The following OSBPL8 variants were observed in gnomAD, a reference collection of about 807,000 sequenced individuals.
OSBPL8 encodes oxysterol binding protein like 8, also known as oxysterol-binding protein-related protein 8.
OSBPL8 carries 59 observed loss-of-function variants against 125.5 expected under a neutral mutation model. The ratio of observed to expected loss-of-function variants is 0.47; its 90% CI spans 0.38 to 0.58. The LOEUF is 0.58. Among genes scored for constraint, OSBPL8 ranks in the 20% least tolerant of loss-of-function variants. The probability of loss-of-function intolerance (pLI) is 0.00; values close to 1 mark genes in which losing one functional copy is unlikely to be tolerated. For missense variants in OSBPL8, 758 were observed against 1,047.8 expected, an observed-to-expected ratio of 0.72 and a Z score of 3.82; for synonymous variants, 330 against 338.9, an observed-to-expected ratio of 0.97 and a Z score of 0.29.
intron 21 of OSBPL8, 31 bp downstream of exon 21, chr12:76,369,183 T>A: frequency 6.3e-7 from 1 of 1,587,906 alleles, no homozygotes; most frequent in Non-Finnish European, 8.5e-7. Context: ...CAGATTTATA[T>A]ACCTAGTGTA....
intron 4 of OSBPL8, among the ~76,000 whole-genome samples, chr12:76,422,136 A>G (rs569509205): frequency 6.6e-6 from 1 of 152,232 alleles, no homozygotes; most frequent in East Asian, 1.9e-4. Context: ...ACAAATATCA[A>G]TATTAATATC....
rs182198103 is a variant in OSBPL8 at position 76,427,298 on chromosome 12, A to C, written c.218-16664T>G. On this transcript the variant is annotated intron_variant, in intron 4 of 23. Coordinates refer to ENST00000261183, the MANE Select transcript of OSBPL8 (RefSeq NM_020841.5). ...ATTCTCTACAACCTACCTTGCCTAT[A>C]CATCATAGACTTATGAGGATGAAAT... Among the ~76,000 whole-genome samples the C allele has an allele frequency of 4.6e-3, 695 of 152,176 alleles. 22 individuals are homozygous for C. Among genetic ancestry groups the C allele is most frequent in the Admixed American group, 0.043 (661 of 15,270 alleles).
intron 1 of OSBPL8, among the ~76,000 whole-genome samples, chr12:76,504,723 A>G (rs1230026246): frequency 6.6e-6 from 1 of 152,208 alleles, no homozygotes; most frequent in Non-Finnish European, 1.5e-5. Flanking sequence ...TGCCTTTGTA[A>G]AACTAATGAA....
chr12:76,403,428 T>C (rs538895159), intron 5 of OSBPL8, among the ~76,000 whole-genome samples: 1 of 152,280 alleles, frequency 6.6e-6, no homozygotes, highest in African/African-American at 2.4e-5. Context: ...TTGTTTAATC[T>C]CCATTTTACA....
intron 4 of OSBPL8, among the ~76,000 whole-genome samples, chr12:76,415,599 G>A (rs993652219): frequency 2.6e-5 from 4 of 151,948 alleles, no homozygotes; most frequent in Non-Finnish European, 4.4e-5. Flanking sequence ...CAGATATTCC[G>A]TTTCTTTTAA....
chr12:76,381,071 TTCA>T (rs946583764), intron 15 of OSBPL8, among the ~76,000 whole-genome samples: 15 of 152,300 alleles, frequency 9.8e-5, no homozygotes, highest in East Asian at 7.7e-4. Flanking sequence ...TAAAATCCAT[TTCA>T]TCATATTATT....
chr12:76,361,593 C>T (rs1952209182), intron 21 of OSBPL8, among the ~76,000 whole-genome samples: 1 of 152,120 alleles, frequency 6.6e-6, no homozygotes, highest in African/African-American at 2.4e-5. Flanking sequence ...TAAAGACATA[C>T]CCGAGATGGG....
At chr12:76,486,148 C>T in intron 2 of OSBPL8, 1 of 347,728 alleles carries the variant, frequency 2.9e-6, no homozygotes, top group Non-Finnish European at 5.7e-6. Flanking sequence ...TTTTTTTGAT[C>T]ATTTAAGAAC....
intron 1 of OSBPL8, among the ~76,000 whole-genome samples, chr12:76,490,588 T>C (rs1337306828): frequency 6.6e-6 from 1 of 152,176 alleles, no homozygotes; most frequent in East Asian, 1.9e-4. Flanking sequence ...CCCCTTCTGG[T>C]TAAGAGCCAC....
intron 1 of OSBPL8, among the ~76,000 whole-genome samples, chr12:76,536,059 G>GT (rs919960168): frequency 6.8e-4 from 103 of 151,912 alleles, no homozygotes; most frequent in Middle Eastern, 6.8e-3. Context: ...AGTAGTTTGG[G>GT]TTTTTTTTAG....
At chr12:76,472,217 A>G (rs763532905) in intron 2 of OSBPL8, among the ~76,000 whole-genome samples, 18 of 152,244 alleles carry the variant, frequency 1.2e-4, no homozygotes, top group Admixed American at 2.6e-4. Context: ...GGATACCACC[A>G]TCTTAACATC....
intron 1 of OSBPL8, among the ~76,000 whole-genome samples, chr12:76,527,252 G>T (rs1950206578): frequency 2.6e-5 from 4 of 151,802 alleles, no homozygotes; most frequent in Admixed American, 6.6e-5. Context: ...GCCGGGGTGG[G>T]GGGGGATTGT....
intron 4 of OSBPL8, among the ~76,000 whole-genome samples, chr12:76,417,964 C>G (rs1477982749): frequency 6.7e-6 from 1 of 150,006 alleles, no homozygotes; most frequent in Non-Finnish European, 1.5e-5. Flanking sequence ...AATTAGAGAC[C>G]TGGAATGAAA....
intron 7 of OSBPL8, 55 bp from the exon 8 acceptor site, chr12:76,397,952 C>T (rs532476832): frequency 1.8e-5 from 26 of 1,434,550 alleles, no homozygotes; most frequent in Middle Eastern, 1.8e-4. Flanking sequence ...AAGGTCCAAA[C>T]GAAAATACTG....
chr12:76,394,781 C>A (rs957274563), intron 8 of OSBPL8, 52 bp from the exon 9 acceptor site: 8 of 1,256,050 alleles, frequency 6.4e-6, no homozygotes, highest in Non-Finnish European at 9.1e-6. Flanking sequence ...ATTATGAGAT[C>A]TCATCTTTAC....
At position 76,354,102 on chromosome 12, in the gene OSBPL8, T is replaced by G. The variant is rs140596796; in HGVS notation, c.*1787A>C. The G allele has an allele frequency of 2.9e-3, 438 of 152,436 alleles. 1 individual carries two copies. Among genetic ancestry groups the G allele is most frequent in the African/African-American group, 0.01 (421 of 41,546 alleles). The allele number at this position is 152,436 out of a possible 1,614,324, so 9.4% of individuals were successfully genotyped here. Reference sequence around the variant, plus strand: ...CAAATTGTACAATATTTACAGAATATCATATATCAATGAATAGGCAGAGTG... The same window carrying G: ...CAAATTGTACAATATTTACAGAATAGCATATATCAATGAATAGGCAGAGTG... On this transcript the variant is annotated 3_prime_UTR_variant, in exon 24 of 24. Transcript: ENST00000261183.
intron 1 of OSBPL8, among the ~76,000 whole-genome samples, chr12:76,541,053 T>A (rs936120876): frequency 6.6e-6 from 1 of 152,218 alleles, no homozygotes; most frequent in Non-Finnish European, 1.5e-5. Context: ...TACCAACGGC[T>A]ACTATCCCTA....
intron 4 of OSBPL8, among the ~76,000 whole-genome samples, chr12:76,443,752 C>T (rs192598947): frequency 2.0e-5 from 3 of 152,192 alleles, no homozygotes; most frequent in Non-Finnish European, 2.9e-5. Context: ...GGTTATCTGC[C>T]CCCCTTGGCC....
intron 3 of OSBPL8, among the ~76,000 whole-genome samples, chr12:76,454,122 C>G (rs1873736266): frequency 6.6e-6 from 1 of 152,214 alleles, no homozygotes; most frequent in East Asian, 1.9e-4. Context: ...CTTTGGAAAA[C>G]AATGTGAGCT....
Sources: allele counts gnomAD v4.1 joint callset (sites outside exome capture counted in the v4.1 genomes callset), GRCh38; gene constraint gnomAD v4.1.1; transcripts MANE v1.5; gene names NCBI Gene and HGNC (gene_info 2026-07-23, HGNC 2026-07-21).